RIMS1: variants seen among roughly 807,000 people sequenced by gnomAD.
RIMS1 encodes regulating synaptic membrane exocytosis 1.
A neutral mutation model predicts 214.1 loss-of-function variants in RIMS1; 83 were observed. The ratio of observed to expected loss-of-function variants is 0.39; its 90% CI spans 0.32 to 0.47. The LOEUF (loss-of-function observed/expected upper bound fraction) is 0.47, where lower values mean the gene tolerates loss of function less well. Ranked by LOEUF, RIMS1 falls within the 20% of genes least tolerant of loss-of-function variation. The pLI is 0.99. For synonymous variants in RIMS1, 793 were observed against 786.8 expected, an observed-to-expected ratio of 1.01 and a Z score of -0.13; for missense variants, 2,050 against 2,161.8, an observed-to-expected ratio of 0.95 and a Z score of 1.03.
rs140314635 is a variant in RIMS1, at chr6:72,335,759, G to A, written c.4366+1924G>A. ...GTTGTTTCCTGACTTTATAATGATT[G>A]CCATTCTAAATGGTGTGAGATGGTA... is the stretch of plus-strand genomic sequence containing the variant. On this transcript the variant is annotated intron_variant, in intron 29 of 33. Transcript: ENST00000521978. 2.6e-5 allele frequency among the ~76,000 whole-genome samples: 4 copies of A among 151,890 alleles called. No homozygotes were observed. In the East Asian group the frequency reaches 7.8e-4, roughly 30 times the overall value.
intron 4 of RIMS1, among the ~76,000 whole-genome samples, chr6:72,140,627 T>A (rs1034496577): frequency 4.6e-5 from 7 of 152,056 alleles, no homozygotes; most frequent in Middle Eastern, 3.2e-3. Flanking sequence ...GCACTTTGAT[T>A]TCTCCAACAA....
At chr6:72,261,638 G>A (rs2078073773) in intron 19 of RIMS1, 1 of 985,170 alleles carries the variant, frequency 1.0e-6, no homozygotes, top group South Asian at 4.7e-5. Flanking sequence ...CCAATAAAAA[G>A]CAAGAGGAAA....
chr6:72,200,823 A>G (rs1052447406), intron 6 of RIMS1, among the ~76,000 whole-genome samples: 1 of 150,866 alleles, frequency 6.6e-6, no homozygotes, highest in Non-Finnish European at 1.5e-5. Context: ...CATCTGTGCA[A>G]TTTAAATCTT....
intron 1 of RIMS1, among the ~76,000 whole-genome samples, chr6:71,960,044 T>C (rs1421459327): frequency 6.6e-6 from 1 of 152,192 alleles, no homozygotes; most frequent in Non-Finnish European, 1.5e-5. Flanking sequence ...TCCTGTTTTG[T>C]TGTTTATTGC....
intron 4 of RIMS1, among the ~76,000 whole-genome samples, chr6:72,145,637 A>T: frequency 6.6e-6 from 1 of 152,108 alleles, no homozygotes. Flanking sequence ...AGAAAGTTAC[A>T]TTCTTTACTG....
intron 6 of RIMS1, among the ~76,000 whole-genome samples, chr6:72,200,370 T>G (rs1233537225): frequency 6.6e-6 from 1 of 152,154 alleles, no homozygotes; most frequent in Non-Finnish European, 1.5e-5. Context: ...CTTTTGTGCT[T>G]TTCCCTTTTA....
chr6:72,373,902 T>C (rs2154405125), intron 29 of RIMS1, among the ~76,000 whole-genome samples: 1 of 152,218 alleles, frequency 6.6e-6, no homozygotes, highest in African/African-American at 2.4e-5. Flanking sequence ...AAAGACCTAA[T>C]TTTATTATTT....
chr6:71,917,743 C>T (rs7772615), intron 1 of RIMS1, among the ~76,000 whole-genome samples: 5,853 of 152,152 alleles, frequency 0.038, 331 homozygotes, highest in African/African-American at 0.12. Flanking sequence ...AGGTGAGAGA[C>T]GGTTATAGCT....
chr6:72,283,283 C>T (rs1015798988), intron 23 of RIMS1, among the ~76,000 whole-genome samples: 2 of 151,676 alleles, frequency 1.3e-5, no homozygotes, highest in African/African-American at 4.8e-5. Context: ...ACATTTTAGG[C>T]TAATTAGACA....
chr6:72,171,305 C>A (rs938115452), intron 4 of RIMS1, among the ~76,000 whole-genome samples: 1 of 148,934 alleles, frequency 6.7e-6, no homozygotes, highest in Admixed American at 6.7e-5. Flanking sequence ...ATATTTATAC[C>A]TAATACATAT....
At chr6:71,943,471 G>T (rs10942989) in intron 1 of RIMS1, among the ~76,000 whole-genome samples, 39,895 of 152,002 alleles carry the variant, frequency 0.26, 5,575 homozygotes, top group East Asian at 0.36. Context: ...CAACATGGAT[G>T]AGGAACCAGT....
intron 4 of RIMS1, among the ~76,000 whole-genome samples, chr6:72,136,530 A>C (rs2041307762): frequency 6.6e-6 from 1 of 152,146 alleles, no homozygotes; most frequent in African/African-American, 2.4e-5. Context: ...AACAAACATA[A>C]ATTTTTGAAA....
At chr6:72,038,398 C>T (rs761006086) in intron 2 of RIMS1, among the ~76,000 whole-genome samples, 1 of 151,666 alleles carries the variant, frequency 6.6e-6, no homozygotes, top group Non-Finnish European at 1.5e-5. Context: ...TTTGGGAAAA[C>T]AGTTTTTCAT....
At chr6:72,203,452 A>G (rs1189977077) in intron 6 of RIMS1, among the ~76,000 whole-genome samples, 1 of 152,140 alleles carries the variant, frequency 6.6e-6, no homozygotes, top group African/African-American at 2.4e-5. Context: ...ATGAAGAAGG[A>G]AAGACAAGCA....
rs147122368 is a variant in RIMS1 at position 72,230,621 on chromosome 6, A to C, written c.1679-3152A>C. Among the ~76,000 whole-genome samples the C allele has an allele frequency of 4.9e-4, 75 of 151,664 alleles. 1 individual carries two copies. In the East Asian group the frequency reaches 0.014, roughly 28 times the overall value. Reference sequence around the variant, plus strand: ...CATGATACACAATTCTAAATTATAGAGATAGAGTTACATGTTTATGCCTTG... The same window carrying C: ...CATGATACACAATTCTAAATTATAGCGATAGAGTTACATGTTTATGCCTTG... On this transcript the variant is annotated intron_variant, in intron 6 of 33. Transcript: ENST00000521978.
chr6:71,910,198 C>T (rs1028459641), intron 1 of RIMS1, among the ~76,000 whole-genome samples: 1 of 151,974 alleles, frequency 6.6e-6, no homozygotes, highest in Non-Finnish European at 1.5e-5. Flanking sequence ...ACCCATTTAA[C>T]GTAATGTCTG....
chr6:72,235,128 A>G (rs1172338169), intron 7 of RIMS1, among the ~76,000 whole-genome samples: 1 of 152,062 alleles, frequency 6.6e-6, no homozygotes, highest in African/African-American at 2.4e-5. Context: ...GTGATGTGTC[A>G]GTACCTATAA....
intron 1 of RIMS1, among the ~76,000 whole-genome samples, chr6:71,941,113 G>GT (rs1785980364): frequency 6.6e-6 from 1 of 151,642 alleles, no homozygotes; most frequent in African/African-American, 2.4e-5. Context: ...TATCAATGTA[G>GT]TTTTTTTTCA....
chr6:71,935,281 C>G (rs1784121282), intron 1 of RIMS1, among the ~76,000 whole-genome samples: 1 of 152,180 alleles, frequency 6.6e-6, no homozygotes, highest in African/African-American at 2.4e-5. Flanking sequence ...ATTGATGAGG[C>G]AAAAGGATTT....
Sources: allele counts gnomAD v4.1 joint callset (sites outside exome capture counted in the v4.1 genomes callset), GRCh38; gene constraint gnomAD v4.1.1; transcripts MANE v1.5; gene names NCBI Gene and HGNC (gene_info 2026-07-23, HGNC 2026-07-21).